The following ABCC9 variants were observed in gnomAD, a reference collection of about 807,000 sequenced individuals.
ABCC9 encodes the protein ATP-binding cassette sub-family C member 9.
In ABCC9, 95 loss-of-function variants were observed where a neutral mutation model predicts 188.3. The ratio of observed to expected loss-of-function variants is 0.50; its 90% CI spans 0.43 to 0.60. The LOEUF (loss-of-function observed/expected upper bound fraction) is 0.60. ABCC9 is among the 20% of genes least tolerant of loss of function. ABCC9 has a pLI of 0.00. For synonymous variants in ABCC9, 659 were observed against 652.7 expected (o/e 1.01, Z -0.15); for missense variants, 1,102 against 1,876.3 (o/e 0.59, Z 7.62).
At chr12:21,857,497 G>T (rs1945284925) in intron 22 of ABCC9, among the ~76,000 whole-genome samples, 2 of 152,026 alleles carry the variant, frequency 1.3e-5, no homozygotes, top group Non-Finnish European at 1.5e-5. Flanking sequence ...TGGCCCCTAA[G>T]GATGCCCTGG....
chr12:21,869,386 T>A (rs879596853), intron 18 of ABCC9, among the ~76,000 whole-genome samples: 11 of 152,192 alleles, frequency 7.2e-5, no homozygotes, highest in Admixed American at 7.2e-4. Flanking sequence ...TCTTAAATGG[T>A]TTCCCGCACT....
intron 12 of ABCC9, among the ~76,000 whole-genome samples, chr12:21,897,604 TA>T (rs1397423074): frequency 6.6e-6 from 1 of 152,116 alleles, no homozygotes; most frequent in Non-Finnish European, 1.5e-5. Context: ...TAGGAGGATA[TA>T]AGTAATTTTC....
intron 15 of ABCC9, among the ~76,000 whole-genome samples, chr12:21,886,866 T>C (rs1360431224): frequency 2.6e-5 from 4 of 152,218 alleles, no homozygotes; most frequent in Admixed American, 1.3e-4. Context: ...CCCATAAGTT[T>C]TCAGGAAAGG....
At chr12:21,831,106 CAGTGGTGCG>C (rs949328806) in intron 30 of ABCC9, 1 of 148,534 alleles carries the variant, frequency 6.7e-6, no homozygotes, top group Non-Finnish European at 1.5e-5. Context: ...GGATGGAGTG[CAGTGGTGCG>C]ATCTCAGCTC....
At chr12:21,837,046 T>C (rs1233048835) in intron 30 of ABCC9, among the ~76,000 whole-genome samples, 2 of 152,208 alleles carry the variant, frequency 1.3e-5, no homozygotes, top group African/African-American at 4.8e-5. Flanking sequence ...ACTCAAATGT[T>C]TCTTAAATAA....
intron 16 of ABCC9, among the ~76,000 whole-genome samples, chr12:21,881,464 T>A (rs1946612913): frequency 6.6e-6 from 1 of 152,046 alleles, no homozygotes; most frequent in Non-Finnish European, 1.5e-5. Flanking sequence ...TAATAGTCTC[T>A]CTTTTCTTTC....
intron 35 of ABCC9, among the ~76,000 whole-genome samples, chr12:21,813,982 A>G (rs1365598132): frequency 6.6e-6 from 1 of 152,172 alleles, no homozygotes. Flanking sequence ...TCTTTCATTC[A>G]AGATACTTTA....
chr12:21,926,099 G>A (rs968205671), intron 4 of ABCC9, 36 bp from the exon 5 acceptor site: 5 of 1,613,360 alleles, frequency 3.1e-6, no homozygotes, highest in African/African-American at 2.7e-5. Flanking sequence ...TAAAGCTGAT[G>A]GTTCCAGATA....
chr12:21,854,112 G>A (rs1451481080), intron 22 of ABCC9, among the ~76,000 whole-genome samples: 1 of 152,160 alleles, frequency 6.6e-6, no homozygotes, highest in Non-Finnish European at 1.5e-5. Flanking sequence ...TTTCAGTTGA[G>A]CACAGTCATA....
At chr12:21,847,833 G>T (rs1944760760) in intron 25 of ABCC9, among the ~76,000 whole-genome samples, 1 of 152,144 alleles carries the variant, frequency 6.6e-6, no homozygotes, top group East Asian at 1.9e-4. Flanking sequence ...AAGCAGATTT[G>T]GTCATTATAC....
chr12:21,832,678 T>C (rs529835326), intron 30 of ABCC9, among the ~76,000 whole-genome samples: 4 of 151,592 alleles, frequency 2.6e-5, no homozygotes, highest in Non-Finnish European at 5.9e-5. Context: ...CTAGTGGCAA[T>C]GTAAACCAGT....
At chr12:21,836,328 C>T (rs2098574) in intron 30 of ABCC9, among the ~76,000 whole-genome samples, 100,041 of 152,052 alleles carry the variant, frequency 0.66, 33,176 homozygotes, top group African/African-American at 0.72. Flanking sequence ...GCCCTTTGTG[C>T]ACTGGCCTCT....
chr12:21,876,880 A>G (rs558654958), intron 16 of ABCC9, among the ~76,000 whole-genome samples: 1 of 152,366 alleles, frequency 6.6e-6, no homozygotes, highest in East Asian at 1.9e-4. Context: ...AAAACCCTTC[A>G]TAAAATGAAT....
chr12:21,915,498 G>GTATATATATA (rs1338146740), intron 7 of ABCC9, among the ~76,000 whole-genome samples, 170 bp downstream of exon 7: 2 of 8,912 alleles, frequency 2.2e-4, no homozygotes, highest in African/African-American at 1.0e-3. Context: ...GTGTGTGTGT[G>GTATATATATA]TGTATATATA....
rs114551415 is a variant in ABCC9 at position 21,828,918 on chromosome 12, T to C, written c.3669+40A>G. On this transcript the variant is annotated intron_variant, in intron 31 of 39. Transcript: ENST00000261200. The stretch of plus-strand genomic sequence containing the variant: ...CTGCCTCTTTGCAGCAGGCGTCTTC[T>C]CTATTTGGTTTCCATTTCGAAATCA... The C allele has an allele frequency of 7.8e-4, 1,201 of 1,530,058 alleles. 8 individuals are homozygous for C. The African/African-American group carries it at 0.015, about 19-fold the overall frequency. 94.8% of individuals were successfully genotyped at this position (1,530,058 alleles called of 1,614,324 possible).
chr12:21,922,046 C>G (rs1028866429), intron 5 of ABCC9, among the ~76,000 whole-genome samples: 2 of 151,870 alleles, frequency 1.3e-5, no homozygotes, highest in African/African-American at 4.8e-5. Context: ...TTTGACTATT[C>G]TAGGTCTTTT....
Position 21,882,894 on chromosome 12 carries a change from A to G in ABCC9, c.1912-21T>C, listed in dbSNP as rs1468577212. 7.6e-6 allele frequency: 12 copies of G among 1,577,316 alleles called. No individual in the cohort carries two copies. The East Asian group carries it at 2.7e-4, about 35-fold the overall frequency. ...GGCTGCTGCATTCCAAATGGAAAAG[A>G]ACACAAGTTGAGGCTTTATTAAAAA... is the stretch of plus-strand genomic sequence containing the variant. On this transcript the variant is annotated intron_variant, in intron 15 of 39. Transcript: ENST00000261200.
rs750474414 is a variant in ABCC9, at chr12:21,863,002, C to A, written c.2290G>T (p.Ala764Ser). ...YAAQKPWLLN[A>S]TVEENITFGS... ...AAAGTAATATTTTCTTCTACTGTAG[C>A]ATTTAATAGCCAAGGCTTTTGAGCT... is the stretch of plus-strand genomic sequence containing the variant. The change falls in exon 20 of 40, where the codon GCT (alanine) becomes TCT (serine). Residue 764 changes from alanine to serine, a missense_variant. Physicochemically the swap from Ala to Ser is moderately conservative, Grantham distance 99. Transcript: ENST00000261200. 1.2e-6 allele frequency: 2 copies of A among 1,612,282 alleles called. No homozygotes were observed. The highest frequency in any genetic ancestry group is 1.7e-6 in the Non-Finnish European group (2 of 1,179,092).
At chr12:21,803,341 A>G (rs954854684) in intron 39 of ABCC9, among the ~76,000 whole-genome samples, 27 of 152,166 alleles carry the variant, frequency 1.8e-4, no homozygotes, top group African/African-American at 6.0e-4. Flanking sequence ...TTCTAAAATA[A>G]TATTTACTAG....
Sources: allele counts gnomAD v4.1 joint callset (sites outside exome capture counted in the v4.1 genomes callset), GRCh38; gene constraint gnomAD v4.1.1; transcripts MANE v1.5; gene names NCBI Gene and HGNC (gene_info 2026-07-23, HGNC 2026-07-21).